The following PPFIA1 variants were observed in gnomAD, a reference collection of about 807,000 sequenced individuals.
PPFIA1 encodes the protein liprin-alpha-1.
In PPFIA1, 25 loss-of-function variants were observed where a neutral mutation model predicts 149.9. That is an observed-to-expected ratio of 0.17 (90% CI 0.12 to 0.23). The LOEUF (loss-of-function observed/expected upper bound fraction) is 0.23, where lower values mean the gene tolerates loss of function less well. Ranked by LOEUF, PPFIA1 falls within the 10% of genes least tolerant of loss-of-function variation. The pLI is 1.00. For missense variants in PPFIA1, 1,362 were observed against 1,506.5 expected (o/e 0.90, Z 1.59); for synonymous variants, 549 against 552.8 (o/e 0.99, Z 0.10).
At chr11:70,329,312 G>A (rs1049589757) in intron 7 of PPFIA1, among the ~76,000 whole-genome samples, 9 of 152,108 alleles carry the variant, frequency 5.9e-5, no homozygotes, top group Non-Finnish European at 8.8e-5. Flanking sequence ...CAACTGAGTG[G>A]CCAGACATAG....
At chr11:70,328,791 C>G (rs1338733724) in intron 7 of PPFIA1, among the ~76,000 whole-genome samples, 1 of 152,058 alleles carries the variant, frequency 6.6e-6, no homozygotes, top group Non-Finnish European at 1.5e-5. Flanking sequence ...GATGCTGTCT[C>G]ATTGTGGTTT....
chr11:70,309,188 GAA>G (rs2053088277), intron 2 of PPFIA1, among the ~76,000 whole-genome samples: 1 of 141,638 alleles, frequency 7.1e-6, no homozygotes, highest in Admixed American at 7.0e-5. Flanking sequence ...TTTTTTTTTT[GAA>G]ATGGAGTCTT....
intron 2 of PPFIA1, among the ~76,000 whole-genome samples, chr11:70,296,303 C>G (rs2052012687): frequency 6.6e-6 from 1 of 152,124 alleles, no homozygotes; most frequent in Non-Finnish European, 1.5e-5. Flanking sequence ...AGGCTGCACT[C>G]TGGGCACTTT....
intron 21 of PPFIA1, among the ~76,000 whole-genome samples, chr11:70,366,691 T>G (rs1265262826): frequency 6.6e-6 from 1 of 152,198 alleles, no homozygotes. Context: ...GGACTGTATT[T>G]GAGGGCTTCA....
intron 2 of PPFIA1, chr11:70,321,385 G>C (rs1262309494): frequency 1.3e-5 from 2 of 152,218 alleles, no homozygotes; most frequent in Non-Finnish European, 2.9e-5. Flanking sequence ...AAAACCTTCT[G>C]TCGCGATGAG....
intron 2 of PPFIA1, among the ~76,000 whole-genome samples, chr11:70,316,544 C>T (rs949454113): frequency 1.3e-5 from 2 of 152,142 alleles, no homozygotes; most frequent in African/African-American, 2.4e-5. Context: ...GTAAAGAAAA[C>T]GGGAAGAGGA....
intron 14 of PPFIA1, 74 bp from the exon 15 acceptor site, chr11:70,343,595 A>G: frequency 7.3e-7 from 1 of 1,373,708 alleles, no homozygotes; most frequent in Non-Finnish European, 1.0e-6. Flanking sequence ...GAATTCCTAA[A>G]TTTCCGATAG....
At chr11:70,338,296 C>A in intron 12 of PPFIA1, 78 bp from the exon 13 acceptor site, 1 of 1,171,656 alleles carries the variant, frequency 8.5e-7, no homozygotes, top group Non-Finnish European at 1.3e-6. Flanking sequence ...TTATGCCCAA[C>A]ATCTGAGCAC....
chr11:70,334,923 C>G (rs2054882082), intron 10 of PPFIA1, among the ~76,000 whole-genome samples: 2 of 152,152 alleles, frequency 1.3e-5, no homozygotes, highest in African/African-American at 4.8e-5. Context: ...CCCTTTCTGC[C>G]TGTCATTTGA....
intron 2 of PPFIA1, among the ~76,000 whole-genome samples, chr11:70,277,541 A>G (rs1485028573): frequency 6.6e-6 from 1 of 151,580 alleles, no homozygotes; most frequent in East Asian, 1.9e-4. Flanking sequence ...CCCAGGCTGA[A>G]GTGCAGTGGC....
At chr11:70,336,008 T>A (rs2054955304) in intron 11 of PPFIA1, among the ~76,000 whole-genome samples, 1 of 152,190 alleles carries the variant, frequency 6.6e-6, no homozygotes, top group Non-Finnish European at 1.5e-5. Context: ...AGTAATTAAA[T>A]AATTTTATGC....
intron 2 of PPFIA1, among the ~76,000 whole-genome samples, chr11:70,279,971 C>T (rs2050653909): frequency 6.7e-6 from 1 of 150,156 alleles, no homozygotes; most frequent in Non-Finnish European, 1.5e-5. Flanking sequence ...TGTAGTGGTG[C>T]AGTCTCAGCT....
Position 70,324,889 on chromosome 11 carries a change from C to A in PPFIA1, c.409C>A (p.Arg137=), listed in dbSNP as rs764425609. The A allele has an allele frequency of 1.2e-6, 2 of 1,611,112 alleles. No individual in the cohort carries two copies. Among genetic ancestry groups the A allele is most frequent in the African/African-American group, 2.7e-5 (2 of 74,882 alleles). The part of the protein sequence containing the change: ...HLECLVSRHE[R]SLRMTVVKRQ... ...GGAATGCCTTGTCTCCAGGCATGAG[C>A]GGTCTCTTAGGATGACCGTGGTGAA... Residue 137 remains arginine (R), a synonymous_variant, in exon 4 of 28, where the codon CGG becomes AGG. Coordinates refer to ENST00000253925, the MANE Select transcript of PPFIA1 (RefSeq NM_003626.5).
At chr11:70,282,154 C>T (rs556362085) in intron 2 of PPFIA1, among the ~76,000 whole-genome samples, 11 of 152,216 alleles carry the variant, frequency 7.2e-5, no homozygotes, top group African/African-American at 2.4e-4. Context: ...GCCTGCCCAG[C>T]GGGAGACACA....
At chr11:70,370,763 T>C (rs867131885) in intron 21 of PPFIA1, among the ~76,000 whole-genome samples, 2 of 152,170 alleles carry the variant, frequency 1.3e-5, no homozygotes, top group African/African-American at 4.8e-5. Context: ...TTTGTCGTGA[T>C]TTTTGCTCTC....
chr11:70,360,451 G>A (rs921911644), intron 19 of PPFIA1, among the ~76,000 whole-genome samples: 8 of 152,262 alleles, frequency 5.3e-5, no homozygotes. Flanking sequence ...TCCTCCCTGC[G>A]CCTTGGCCAG....
At position 70,378,098 on chromosome 11, in the gene PPFIA1, C is replaced by G. The variant is rs2057558385; in HGVS notation, c.3453C>G (p.Gly1151=). ...AGTTTAGACCAAAGGACATTCGTGGCTTAGCTGCTGGGTCAGCAGAGACTC... is the reference window on the plus strand; with the variant it reads ...AGTTTAGACCAAAGGACATTCGTGGGTTAGCTGCTGGGTCAGCAGAGACTC... The part of the protein sequence containing the change: ...RKKFRPKDIR[G]LAAGSAETLP... The change falls in exon 26 of 28, where the codon GGC becomes GGG. Residue 1151 remains glycine (G), a synonymous_variant. Transcript: ENST00000253925. 1 of 1,614,046 alleles carries G rather than the reference C, an allele frequency of 6.2e-7. No individual in the cohort carries two copies. The highest frequency in any genetic ancestry group is 8.5e-7 in the Non-Finnish European group (1 of 1,180,032).
intron 9 of PPFIA1, among the ~76,000 whole-genome samples, chr11:70,332,394 T>A (rs2136954314): frequency 6.6e-6 from 1 of 152,216 alleles, no homozygotes; most frequent in African/African-American, 2.4e-5. Context: ...AGGATAGAAG[T>A]CTCTGTAAAA....
At chr11:70,380,776 T>G (rs1281053722) in intron 26 of PPFIA1, among the ~76,000 whole-genome samples, 4 of 151,886 alleles carry the variant, frequency 2.6e-5, no homozygotes, top group Non-Finnish European at 5.9e-5. Context: ...ATAGGGAATT[T>G]ATTATAAAGA....
Sources: gnomAD v4.1 joint callset for allele counts (sites outside exome capture counted in the v4.1 genomes callset) on GRCh38, gnomAD v4.1.1 for gene constraint, MANE v1.5 for transcripts, NCBI Gene and HGNC (gene_info 2026-07-23, HGNC 2026-07-21) for gene names.